PXYLP1: variants seen among roughly 807,000 people sequenced by gnomAD.
PXYLP1 encodes the protein 2-phosphoxylose phosphatase 1.
A neutral mutation model predicts 37.9 loss-of-function variants in PXYLP1; 17 were observed. The ratio of observed to expected loss-of-function variants is 0.45; its 90% CI spans 0.31 to 0.67. The LOEUF (loss-of-function observed/expected upper bound fraction) is 0.67. Among genes scored for constraint, PXYLP1 ranks in the 30% least tolerant of loss-of-function variants. PXYLP1 has a pLI of 0.07. For synonymous variants in PXYLP1, 221 were observed against 232.2 expected, an observed-to-expected ratio of 0.95 and a Z score of 0.44; for missense variants, 511 against 612.0, an observed-to-expected ratio of 0.84 and a Z score of 1.74.
At chr3:141,281,484 G>C (rs1323765901) in intron 4 of PXYLP1, among the ~76,000 whole-genome samples, 1 of 152,216 alleles carries the variant, frequency 6.6e-6, no homozygotes, top group Non-Finnish European at 1.5e-5. Context: ...CCGGTGCCCA[G>C]GACACGGCAG....
Position 141,292,241 on chromosome 3 carries a change from G to C in PXYLP1, c.506-27G>C. ...GTTTCTTTTGCTCAGCTGGAAGTAA[G>C]GTAAGCTTTGTGTGCTTGTGTTTCA... is the stretch of plus-strand genomic sequence containing the variant. On this transcript the variant is annotated intron_variant, in intron 5 of 5. Coordinates refer to ENST00000286353, the MANE Select transcript of PXYLP1 (RefSeq NM_001037172.3). This position sits in a 1 kb window ranked among gnomAD's most constrained non-coding sequence, Gnocchi z 4.3. The C allele has an allele frequency of 1.3e-6, 2 of 1,554,374 alleles. No individual in the cohort carries two copies. The highest frequency in any genetic ancestry group is 1.7e-6 in the Non-Finnish European group (2 of 1,151,564).
At chr3:141,274,529 C>T in intron 2 of PXYLP1, 1 of 1,457,930 alleles carries the variant, frequency 6.9e-7, no homozygotes, top group Non-Finnish European at 9.3e-7. Context: ...GCCCCTCACC[C>T]CAGACTGGTT....
At chr3:141,248,023 G>GTTTTTTTTTTTTT (rs55888415) in intron 1 of PXYLP1, among the ~76,000 whole-genome samples, 18 of 122,888 alleles carry the variant, frequency 1.5e-4, no homozygotes, top group Non-Finnish European at 2.1e-4. Flanking sequence ...TTTTTGTTTT[G>GTTTTTTTTTTTTT]TTTTTTTTTT....
At chr3:141,262,534 C>A in intron 2 of PXYLP1, 1 of 944,068 alleles carries the variant, frequency 1.1e-6, no homozygotes, top group Non-Finnish European at 1.5e-6. Flanking sequence ...CTGAATTGGC[C>A]TGTGTGTTTT....
At chr3:141,283,190 G>T (rs1024714317) in intron 4 of PXYLP1, among the ~76,000 whole-genome samples, 44 of 151,062 alleles carry the variant, frequency 2.9e-4, no homozygotes, top group African/African-American at 1.0e-3. Flanking sequence ...CACCATGTTG[G>T]CCAGGATGGT....
chr3:141,248,611 GTATA>G (rs1400814568), intron 1 of PXYLP1, among the ~76,000 whole-genome samples: 1 of 94,844 alleles, frequency 1.1e-5, no homozygotes, highest in South Asian at 3.3e-4. Flanking sequence ...ATATACACAC[GTATA>G]TATACACACA....
rs144929189 is a variant in PXYLP1 at position 141,250,591 on chromosome 3, G to T, written c.-53-9532G>T. 8.5e-5 allele frequency among the ~76,000 whole-genome samples: 13 copies of T among 152,336 alleles called. No homozygotes were observed. The East Asian group carries it at 2.5e-3, about 29-fold the overall frequency. Reference sequence around the variant, plus strand: ...GCCAGTGAGATGCGATGGGCAGCCTGGGGGAGGGATTTCTGGAGAAGGCTT... The same window carrying T: ...GCCAGTGAGATGCGATGGGCAGCCTTGGGGAGGGATTTCTGGAGAAGGCTT... On this transcript the variant is annotated intron_variant, in intron 1 of 5. Coordinates refer to ENST00000286353, the MANE Select transcript of PXYLP1 (RefSeq NM_001037172.3).
intron 1 of PXYLP1, among the ~76,000 whole-genome samples, chr3:141,243,000 A>G (rs1940849326): frequency 6.6e-6 from 1 of 152,236 alleles, no homozygotes; most frequent in Admixed American, 6.5e-5. Context: ...AGGACACTGC[A>G]GCTCAGAGAG....
intron 5 of PXYLP1, among the ~76,000 whole-genome samples, chr3:141,288,979 T>G (rs895170072): frequency 6.6e-6 from 1 of 152,200 alleles, no homozygotes; most frequent in Non-Finnish European, 1.5e-5. Flanking sequence ...CGATAACAAA[T>G]GAAAAGAAAC....
At chr3:141,257,925 A>AG (rs1553752408) in intron 1 of PXYLP1, among the ~76,000 whole-genome samples, 67 of 136,000 alleles carry the variant, frequency 4.9e-4, no homozygotes, top group African/African-American at 2.2e-3. Context: ...AAAAAAAAAA[A>AG]AGAGAGAGAG....
chr3:141,293,095 C>T lies in PXYLP1; in HGVS notation c.1333C>T (p.Pro445Ser). 2 of 1,614,228 alleles carry T rather than the reference C, an allele frequency of 1.2e-6. No individual in the cohort carries two copies. Among genetic ancestry groups the T allele is most frequent in the South Asian group, 2.2e-5 (2 of 91,080 alleles). Residue 445 changes from proline (P) to serine (S), a missense_variant, in exon 6 of 6, where the codon CCC (proline) becomes TCC (serine). Transcript: ENST00000286353. Reference sequence around the variant, plus strand: ...AGACCACCACAAGCGTTCTCCCAAGCCCATGTGCCCGCTTGAAAACTTGGT... The same window carrying T: ...AGACCACCACAAGCGTTCTCCCAAGTCCATGTGCCCGCTTGAAAACTTGGT... ...CQDHHKRSPKPMCPLENLVRF... is the reference protein window; with the variant it reads ...CQDHHKRSPKSMCPLENLVRF...
chr3:141,265,715 C>G (rs536297191), intron 2 of PXYLP1, among the ~76,000 whole-genome samples: 2 of 152,282 alleles, frequency 1.3e-5, no homozygotes, highest in African/African-American at 2.4e-5. Context: ...GTTCAGTAGA[C>G]ACTTCATTCA....
chr3:141,287,804 T>C (rs959760838), intron 5 of PXYLP1, among the ~76,000 whole-genome samples: 1 of 152,230 alleles, frequency 6.6e-6, no homozygotes, highest in African/African-American at 2.4e-5. Context: ...CTAAACACAC[T>C]ATTTCATAAC....
At chr3:141,262,548 T>C (rs1316761506) in intron 2 of PXYLP1, 2 of 1,124,060 alleles carry the variant, frequency 1.8e-6, no homozygotes, top group Non-Finnish European at 2.4e-6. Flanking sequence ...GTGTTTTGCT[T>C]ATATAACTCT....
intron 1 of PXYLP1, among the ~76,000 whole-genome samples, chr3:141,252,520 C>T (rs1043623703): frequency 1.3e-5 from 2 of 152,074 alleles, no homozygotes; most frequent in Non-Finnish European, 2.9e-5. Context: ...TCCTTATAAC[C>T]AGCTCTCACG....
chr3:141,285,571 T>A (rs1216177405), intron 4 of PXYLP1, among the ~76,000 whole-genome samples: 1 of 152,002 alleles, frequency 6.6e-6, no homozygotes, highest in Non-Finnish European at 1.5e-5. Context: ...CAGTTAGATA[T>A]CATTAAGCAG....
intron 1 of PXYLP1, among the ~76,000 whole-genome samples, chr3:141,240,205 G>A (rs573445544): frequency 1.8e-4 from 27 of 152,306 alleles, no homozygotes; most frequent in African/African-American, 6.0e-4. Flanking sequence ...ACATTTCATG[G>A]CCAGAACTGT....
At chr3:141,238,740 G>C (rs966960965) in intron 1 of PXYLP1, among the ~76,000 whole-genome samples, 2 of 151,882 alleles carry the variant, frequency 1.3e-5, no homozygotes, top group Non-Finnish European at 2.9e-5. Context: ...TGATAATGCA[G>C]TCAGTTAACA....
chr3:141,285,143 T>C (rs1942042056), intron 4 of PXYLP1, among the ~76,000 whole-genome samples: 1 of 52,730 alleles, frequency 1.9e-5, no homozygotes, highest in Non-Finnish European at 3.6e-5. Context: ...TTTTTCTTTT[T>C]CTTTTTTTTT....
Sources: gnomAD v4.1 joint callset for allele counts (sites outside exome capture counted in the v4.1 genomes callset) on GRCh38, gnomAD v4.1.1 for gene constraint, Gnocchi (gnomAD v3.1) non-coding constraint, MANE v1.5 for transcripts, NCBI Gene and HGNC (gene_info 2026-07-23, HGNC 2026-07-21) for gene names.